PCDH18: variants seen among roughly 807,000 people sequenced by gnomAD.
PCDH18 encodes protocadherin-18.
PCDH18 carries 38 observed loss-of-function variants against 71.5 expected under a neutral mutation model. The ratio of observed to expected loss-of-function variants is 0.53; its 90% CI spans 0.41 to 0.70. The LOEUF (loss-of-function observed/expected upper bound fraction) is 0.70. Among genes scored for constraint, PCDH18 ranks in the 30% least tolerant of loss-of-function variants. The probability of loss-of-function intolerance (pLI) is 0.00; values close to 1 mark genes in which losing one functional copy is unlikely to be tolerated. For synonymous variants in PCDH18, 565 were observed against 505.4 expected (o/e 1.12, Z -1.58); for missense variants, 1,334 against 1,384.6 (o/e 0.96, Z 0.58).
Position 137,520,481 on chromosome 4 carries a change from C to T in PCDH18, c.*548G>A, listed in dbSNP as rs1327775543. The T allele has an allele frequency of 1.3e-5, 2 of 152,462 alleles. No individual in the cohort carries two copies. Among genetic ancestry groups the T allele is most frequent in the South Asian group, 2.1e-4 (1 of 4,826 alleles). 9.4% of individuals were successfully genotyped at this position (152,462 alleles called of 1,614,324 possible). A position where few individuals can be genotyped will look rare whatever the true frequency, so the allele number is the denominator to read the frequency against. On this transcript the variant is annotated 3_prime_UTR_variant, in exon 4 of 4. Transcript: ENST00000344876. ...TGAAATAAACTTTCACTTTATCTTT[C>T]GATTTTCCTATAAGAGTTCAACTAT...
At chr4:137,527,099 T>A (rs1474355216) in intron 3 of PCDH18, among the ~76,000 whole-genome samples, 1 of 152,116 alleles carries the variant, frequency 6.6e-6, no homozygotes, top group Non-Finnish European at 1.5e-5. Context: ...TGGTAACTAC[T>A]ATTGCTACTA....
intron 3 of PCDH18, among the ~76,000 whole-genome samples, chr4:137,526,499 T>C (rs1410075626): frequency 6.6e-6 from 1 of 152,128 alleles, no homozygotes; most frequent in Non-Finnish European, 1.5e-5. Context: ...ACTGATTCTC[T>C]TTGAGCAAAG....
chr4:137,523,803 G>T (rs1731370263), intron 3 of PCDH18, among the ~76,000 whole-genome samples: 1 of 152,126 alleles, frequency 6.6e-6, no homozygotes, highest in Non-Finnish European at 1.5e-5. Flanking sequence ...TTTGGTCATA[G>T]AAATTTTTTA....
intron 3 of PCDH18, among the ~76,000 whole-genome samples, chr4:137,527,924 T>C (rs144749584): frequency 6.6e-6 from 1 of 152,104 alleles, no homozygotes. Flanking sequence ...CAAAATGAAA[T>C]GTTGGCAAAA....
rs928288659 is a variant in PCDH18, at chr4:137,531,663, T to A, written c.426A>T (p.Ile142=). Residue 142 remains isoleucine, a synonymous_variant, in exon 1 of 4, where the codon ATA becomes ATT. Transcript: ENST00000344876. The part of the protein sequence containing the change: ...DNSPQFSRSL[I]PIEISESAAV... ...CTGCACTCTCAGATATCTCAATAGG[T>A]ATGAGAGATCTTGAAAACTGGGGAG... is the stretch of plus-strand genomic sequence containing the variant. 1 of 1,613,144 alleles carries A rather than the reference T, an allele frequency of 6.2e-7. No homozygotes were observed. Among genetic ancestry groups the A allele is most frequent in the Non-Finnish European group, 8.5e-7 (1 of 1,179,112 alleles).
In PCDH18 at chr4:137,521,140, A is replaced by C; in HGVS notation, c.3297T>G (p.Asp1099Glu). ...MEEIPENYEE[D>E]DFDNVLNHLN... ...GGTGGTTGAGCACATTGTCAAAATC[A>C]TCTTCCTCATAATTTTCAGGGATCT... The change falls in exon 4 of 4, where the codon GAT becomes GAG. Residue 1099 changes from aspartate to glutamate, a missense_variant. Transcript: ENST00000344876. 6.2e-7 allele frequency: 1 copy of C among 1,614,134 alleles called. No homozygotes were observed. Among genetic ancestry groups the C allele is most frequent in the Non-Finnish European group, 8.5e-7 (1 of 1,179,966 alleles).
Position 137,531,516 on chromosome 4 carries a change from A to C in PCDH18, c.573T>G (p.Asp191Glu), listed in dbSNP as rs746921018. ...CTATGAGTTCTGCATACTTGGCTCC[A>C]TCAGTCCTGGTCCGAACCTCGATAT... ...FFNIEVRTRT[D>E]GAKYAELIVV... The change falls in exon 1 of 4, where the codon GAT (aspartate) becomes GAG (glutamate). Residue 191 changes from aspartate to glutamate, a missense_variant. Around this residue, in one of 3 missense-constraint regions of PCDH18, gnomAD observed 1,011 missense variants for 1,048.0 expected, o/e 0.96. Transcript: ENST00000344876. 2 of 1,613,988 alleles carry C rather than the reference A, an allele frequency of 1.2e-6. No homozygotes were observed. Among genetic ancestry groups the C allele is most frequent in the Non-Finnish European group, 1.7e-6 (2 of 1,179,972 alleles).
In PCDH18 at chr4:137,529,718, C is replaced by T. The variant is rs745790565; in HGVS notation, c.2371G>A (p.Gly791Ser). 6.2e-7 allele frequency: 1 copy of T among 1,613,922 alleles called. No individual in the cohort carries two copies. Among genetic ancestry groups the T allele is most frequent in the Non-Finnish European group, 8.5e-7 (1 of 1,179,896 alleles). The change falls in exon 1 of 4, where the codon GGC becomes AGC. Residue 791 changes from glycine (G) to serine (S), a missense_variant. Physicochemically the swap from Gly to Ser is moderately conservative, Grantham distance 56 (BLOSUM62 0). Around this residue, in one of 3 missense-constraint regions of PCDH18, gnomAD observed 1,011 missense variants for 1,048.0 expected, o/e 0.96. Coordinates refer to ENST00000344876, the MANE Select transcript of PCDH18 (RefSeq NM_019035.5). The part of the protein sequence containing the change: ...SSPTLERGQM[G>S]SRQSHNSHQS... ...TGACTGTTGTGACTCTGCCGGCTGC[C>T]CATCTGCCCTCTTTCTAAGGTAGGA...
chr4:137,531,182 T>C lies in PCDH18; in HGVS notation c.907A>G (p.Arg303Gly), dbSNP rs1357287720. 1.2e-6 allele frequency: 2 copies of C among 1,612,814 alleles called. No individual in the cohort carries two copies. The highest frequency in any genetic ancestry group is 1.7e-4 in the Middle Eastern group (1 of 6,046). The change falls in exon 1 of 4, where the codon AGA becomes GGA. Residue 303 changes from arginine (R) to glycine (G), a missense_variant. Around this residue, in one of 3 missense-constraint regions of PCDH18, gnomAD observed 1,011 missense variants for 1,048.0 expected, o/e 0.96. Coordinates refer to ENST00000344876, the MANE Select transcript of PCDH18 (RefSeq NM_019035.5). ...TGCTTGAAAAGAGTCAAATGTCCTC[T>C]TTCAGAATCAATTTTAAAAGTCTCC... ...IMETFKIDSERGHLTLFKQVD... is the reference protein window; with the variant it reads ...IMETFKIDSEGGHLTLFKQVD...
In PCDH18 at chr4:137,521,663, A is replaced by G; in HGVS notation, c.2774T>C (p.Leu925Pro). ...CATCCAGCACTGGTCAGAGTGTCCC[A>G]GGACCCTGCACTCCTCCGTGCAGAG... is the stretch of plus-strand genomic sequence containing the variant. ...MRLCTEECRVLGHSDQCWMPP... is the reference protein window; with the variant it reads ...MRLCTEECRVPGHSDQCWMPP... The change falls in exon 4 of 4, where the codon CTG becomes CCG. Residue 925 changes from leucine (L) to proline (P), a missense_variant. Physicochemically the swap from Leu to Pro is moderately conservative, Grantham distance 98. Coordinates refer to ENST00000344876, the MANE Select transcript of PCDH18 (RefSeq NM_019035.5). 6.2e-7 allele frequency: 1 copy of G among 1,610,456 alleles called. No homozygotes were observed. Among genetic ancestry groups the G allele is most frequent in the Non-Finnish European group, 8.5e-7 (1 of 1,179,842 alleles).
Position 137,532,099 on chromosome 4 carries a change from A to G in PCDH18, c.-11T>C, listed in dbSNP as rs761641456. Reference sequence around the variant, plus strand: ...ATTCATTTGGTGCATTGGTCAGTTTATGAGATTTCCCTCACAGAGCAAGTT... The same window carrying G: ...ATTCATTTGGTGCATTGGTCAGTTTGTGAGATTTCCCTCACAGAGCAAGTT... On this transcript the variant is annotated 5_prime_UTR_variant, in exon 1 of 4. Coordinates refer to ENST00000344876, the MANE Select transcript of PCDH18 (RefSeq NM_019035.5). 14 of 1,601,082 alleles carry G rather than the reference A, an allele frequency of 8.7e-6. No individual in the cohort carries two copies. The highest frequency in any genetic ancestry group is 1.1e-5 in the Non-Finnish European group (13 of 1,170,596).
At position 137,530,104 on chromosome 4, in the gene PCDH18, C is replaced by T; in HGVS notation, c.1985G>A (p.Gly662Asp). Reference protein sequence around the residue: ...WELSVIIQDKGNPQLHTKVLL... With the variant: ...WELSVIIQDKDNPQLHTKVLL... ...GACTTTGGTATGTAGCTGAGGATTG[C>T]CTTTGTCCTGAATGATAACTGACAG... is the stretch of plus-strand genomic sequence containing the variant. The change falls in exon 1 of 4, where the codon GGC (glycine) becomes GAC (aspartate). Residue 662 changes from glycine (G) to aspartate (D), a missense_variant. Physicochemically the swap from Gly to Asp is moderately conservative, Grantham distance 94 (BLOSUM62 -1). This residue lies in a region of PCDH18 where 1,011 missense variants were observed against 1,048.0 expected (regional missense o/e 0.96). Transcript: ENST00000344876. 1.2e-6 allele frequency: 2 copies of T among 1,613,712 alleles called. No individual in the cohort carries two copies. Among genetic ancestry groups the T allele is most frequent in the South Asian group, 1.1e-5 (1 of 91,066 alleles).
Position 137,531,452 on chromosome 4 carries a change from C to T in PCDH18, c.637G>A (p.Glu213Lys), listed in dbSNP as rs1461749434. Residue 213 changes from glutamate (E) to lysine (K), a missense_variant, in exon 1 of 4, where the codon GAG (glutamate) becomes AAG (lysine). Around this residue, in one of 3 missense-constraint regions of PCDH18, gnomAD observed 1,011 missense variants for 1,048.0 expected, o/e 0.96. Transcript: ENST00000344876. ...ELDRELKSSY[E>K]LQLTASDMGV... is the part of the protein sequence containing the mutation. ...ATGTCTGAGGCAGTGAGCTGAAGCT[C>T]GTAGCTTGACTTCAGCTCCCGATCT... is the stretch of plus-strand genomic sequence containing the variant. 7 of 1,613,632 alleles carry T rather than the reference C, an allele frequency of 4.3e-6. No individual in the cohort carries two copies. Among genetic ancestry groups the T allele is most frequent in the East Asian group, 4.5e-5 (2 of 44,862 alleles).
chr4:137,521,197 C>G lies in PCDH18; in HGVS notation c.3240G>C (p.Gln1080His). The change falls in exon 4 of 4, where the codon CAG (glutamine) becomes CAC (histidine). Residue 1080 changes from glutamine to histidine, a missense_variant. This residue lies in a region of PCDH18 where 319 missense variants were observed against 316.3 expected (regional missense o/e 1.01). Transcript: ENST00000344876. ...TGGCTGGCAGCCATTTTGAAGAAGGCTGCACACTGGAGTGAGTTCCAAGTG... is the reference window on the plus strand; with the variant it reads ...TGGCTGGCAGCCATTTTGAAGAAGGGTGCACACTGGAGTGAGTTCCAAGTG... ...GPPLGTHSSVQPSSKWLPAME... is the reference protein window; with the variant it reads ...GPPLGTHSSVHPSSKWLPAME... 6.2e-7 allele frequency: 1 copy of G among 1,614,172 alleles called. No individual in the cohort carries two copies. Among genetic ancestry groups the G allele is most frequent in the East Asian group, 2.2e-5 (1 of 44,866 alleles).
At position 137,521,700 on chromosome 4, in the gene PCDH18, C is replaced by A; in HGVS notation, c.2741-4G>T. The stretch of plus-strand genomic sequence containing the variant: ...TCCTCCGTGCAGAGTCTCATAGCTG[C>A]ACTCAAGAAAAACAGTGGGGATTCA... On this transcript the variant is annotated splice_polypyrimidine_tract_variant and splice_region_variant and intron_variant, in intron 3 of 3. Transcript: ENST00000344876. 1 of 1,586,472 alleles carries A rather than the reference C, an allele frequency of 6.3e-7. No homozygotes were observed. The highest frequency in any genetic ancestry group is 8.6e-7 in the Non-Finnish European group (1 of 1,166,414).
rs1185382883 is a variant in PCDH18, at chr4:137,532,460, A to G, written c.-372T>C. 1.7e-5 allele frequency: 11 copies of G among 644,062 alleles called. No individual in the cohort carries two copies. Among genetic ancestry groups the G allele is most frequent in the Admixed American group, 4.7e-5 (2 of 42,674 alleles). The allele number at this position is 644,062 out of a possible 1,614,324, so 39.9% of individuals were successfully genotyped here. A position where few individuals can be genotyped will look rare whatever the true frequency, so the allele number is the denominator to read the frequency against. On this transcript the variant is annotated 5_prime_UTR_variant, in exon 1 of 4. Transcript: ENST00000344876. ...CCCTTTAGCTGCTCGGCTGCAGACT[A>G]AACACCCGTGATTGCTGACTCCAGT...
intron 3 of PCDH18, among the ~76,000 whole-genome samples, chr4:137,526,125 A>G (rs1383335691): frequency 6.6e-6 from 1 of 151,786 alleles, no homozygotes; most frequent in East Asian, 1.9e-4. Flanking sequence ...AACTTAGAAA[A>G]TATAAGAAAA....
At chr4:137,524,083 T>C (rs1731378945) in intron 3 of PCDH18, among the ~76,000 whole-genome samples, 1 of 152,140 alleles carries the variant, frequency 6.6e-6, no homozygotes, top group Non-Finnish European at 1.5e-5. Context: ...AAATGTTCCA[T>C]ACTATATCCC....
At chr4:137,528,919 A>G (rs984101842) in intron 1 of PCDH18, 99 bp from the exon 2 acceptor site, 1 of 846,010 alleles carries the variant, frequency 1.2e-6, no homozygotes, top group African/African-American at 1.7e-5. Context: ...TCAACTAAGT[A>G]ATTGAATATA....
Sources: allele counts gnomAD v4.1 joint callset (sites outside exome capture counted in the v4.1 genomes callset), GRCh38; gene constraint gnomAD v4.1.1; regional missense constraint gnomAD v4.1.1; transcripts MANE v1.5; gene names NCBI Gene and HGNC (gene_info 2026-07-23, HGNC 2026-07-21).